Variants in CRACD observed in about 807,000 individuals in gnomAD.
CRACD encodes the protein capping protein-inhibiting regulator of actin dynamics.
A neutral mutation model predicts 106.8 loss-of-function variants in CRACD; 56 were observed. The observed-to-expected ratio is 0.52, with a 90% CI of 0.42 to 0.66. The LOEUF (loss-of-function observed/expected upper bound fraction) is 0.66, where lower values mean the gene tolerates loss of function less well. CRACD is among the 30% of genes least tolerant of loss of function. The probability of loss-of-function intolerance (pLI) is 0.00; values close to 1 mark genes in which losing one functional copy is unlikely to be tolerated. For missense variants in CRACD, 1,730 were observed against 1,623.2 expected, an observed-to-expected ratio of 1.07 and a Z score of -1.13; for synonymous variants, 754 against 670.8, an observed-to-expected ratio of 1.12 and a Z score of -1.92.
chr4:56,056,028 C>G (rs1427366578), intron 1 of CRACD, among the ~76,000 whole-genome samples: 1 of 152,168 alleles, frequency 6.6e-6, no homozygotes, highest in Non-Finnish European at 1.5e-5. Context: ...AAATATTTTT[C>G]TTTGCCATTT....
At chr4:56,096,624 C>G (rs1733607399) in intron 1 of CRACD, among the ~76,000 whole-genome samples, 1 of 148,510 alleles carries the variant, frequency 6.7e-6, no homozygotes, top group South Asian at 2.1e-4. Context: ...AGAGTGAGAC[C>G]TTGTCTTAAA....
chr4:56,235,211 A>G (rs1330857118), intron 2 of CRACD, among the ~76,000 whole-genome samples: 1 of 152,230 alleles, frequency 6.6e-6, no homozygotes, highest in Admixed American at 6.5e-5. Flanking sequence ...CAAATGCCAT[A>G]AAGCAATATA....
intron 2 of CRACD, among the ~76,000 whole-genome samples, chr4:56,190,666 C>G (rs760207749): frequency 6.6e-6 from 1 of 152,100 alleles, no homozygotes; most frequent in East Asian, 1.9e-4. Flanking sequence ...ACAGCCTCCT[C>G]CCTAGCTGCT....
At chr4:56,189,079 A>C (rs2109452401) in intron 2 of CRACD, among the ~76,000 whole-genome samples, 1 of 152,152 alleles carries the variant, frequency 6.6e-6, no homozygotes, top group South Asian at 2.1e-4. Context: ...GTTACTGAGG[A>C]GGATGAGGCA....
intron 1 of CRACD, among the ~76,000 whole-genome samples, chr4:56,110,280 C>G (rs10025083): frequency 0.47 from 71,594 of 151,988 alleles, 18,063 homozygotes; most frequent in African/African-American, 0.65. Context: ...GCAAATGTGT[C>G]TGAGGGTGGA....
intron 2 of CRACD, among the ~76,000 whole-genome samples, chr4:56,187,508 C>CT (rs1353393962): frequency 2.0e-5 from 3 of 151,948 alleles, no homozygotes; most frequent in African/African-American, 7.3e-5. Flanking sequence ...TGGATCAAGC[C>CT]TATAGACTGT....
intron 1 of CRACD, among the ~76,000 whole-genome samples, chr4:56,135,151 C>T (rs1037295575): frequency 2.6e-5 from 4 of 152,116 alleles, no homozygotes; most frequent in East Asian, 3.9e-4. Flanking sequence ...CCAGGCCTGG[C>T]GGTATGCGCC....
At chr4:56,145,919 C>T (rs921942551) in intron 1 of CRACD, among the ~76,000 whole-genome samples, 8 of 152,078 alleles carry the variant, frequency 5.3e-5, no homozygotes, top group Admixed American at 6.6e-5. Flanking sequence ...TCACTGCACC[C>T]GGCCTATTTT....
chr4:56,234,544 T>G (rs1404695809), intron 2 of CRACD, among the ~76,000 whole-genome samples: 1 of 152,208 alleles, frequency 6.6e-6, no homozygotes, highest in Non-Finnish European at 1.5e-5. Context: ...GTGAACATTG[T>G]GTGGTGATTC....
chr4:56,081,491 T>G (rs568719370), intron 1 of CRACD, among the ~76,000 whole-genome samples: 7 of 152,216 alleles, frequency 4.6e-5, no homozygotes, highest in Non-Finnish European at 7.3e-5. Flanking sequence ...ATGAGCTATA[T>G]AAGAGTTGTT....
chr4:56,112,004 T>G (rs1319981026), intron 1 of CRACD, among the ~76,000 whole-genome samples: 1 of 152,224 alleles, frequency 6.6e-6, no homozygotes, highest in Non-Finnish European at 1.5e-5. Context: ...AAACCTTTTT[T>G]CTTTGAGATA....
At chr4:56,195,365 G>T (rs1737556402) in intron 2 of CRACD, among the ~76,000 whole-genome samples, 1 of 152,034 alleles carries the variant, frequency 6.6e-6, no homozygotes, top group African/African-American at 2.4e-5. Context: ...AAAGTCAGAA[G>T]TTTAAAGTTT....
chr4:56,154,205 C>T (rs972324691), intron 1 of CRACD, among the ~76,000 whole-genome samples: 1 of 152,138 alleles, frequency 6.6e-6, no homozygotes, highest in Non-Finnish European at 1.5e-5. Flanking sequence ...GTGGCGCATG[C>T]CTGTAATCTC....
At chr4:56,260,430 G>C (rs1235488869) in intron 2 of CRACD, among the ~76,000 whole-genome samples, 1 of 152,206 alleles carries the variant, frequency 6.6e-6, no homozygotes, top group African/African-American at 2.4e-5. Flanking sequence ...AAAACTTGGA[G>C]ATTAAGTATC....
In CRACD at chr4:56,179,287, A is replaced by T. The variant is rs1403652453; in HGVS notation, c.-332A>T. On this transcript the variant is annotated 5_prime_UTR_variant, in exon 2 of 11. Coordinates refer to ENST00000682029, the MANE Select transcript of CRACD (RefSeq NM_001393381.1). Reference sequence around the variant, plus strand: ...TGTTTTTTTTTTTTCTCAACAGCTTACAAGAGCAGTGATTCCCAGGCTTTC... The same window carrying T: ...TGTTTTTTTTTTTTCTCAACAGCTTTCAAGAGCAGTGATTCCCAGGCTTTC... 1 of 151,968 alleles carries T rather than the reference A, an allele frequency of 6.6e-6. No homozygotes were observed. Among genetic ancestry groups the T allele is most frequent in the Non-Finnish European group, 1.5e-5 (1 of 68,000 alleles). The allele number at this position is 151,968 out of a possible 1,614,324, so 9.4% of individuals were successfully genotyped here. A position where few individuals can be genotyped will look rare whatever the true frequency, so the allele number is the denominator to read the frequency against.
intron 8 of CRACD, among the ~76,000 whole-genome samples, chr4:56,318,555 C>T (rs1400924824): frequency 1.3e-5 from 2 of 152,200 alleles, no homozygotes; most frequent in African/African-American, 4.8e-5. Context: ...GGGCTGTCCC[C>T]TTGATTATTA....
At chr4:56,137,110 A>C (rs1310959132) in intron 1 of CRACD, among the ~76,000 whole-genome samples, 2 of 152,076 alleles carry the variant, frequency 1.3e-5, no homozygotes, top group Admixed American at 1.3e-4. Flanking sequence ...TGTTACAATG[A>C]CTATGATGTC....
intron 1 of CRACD, among the ~76,000 whole-genome samples, chr4:56,137,981 G>A (rs929247060): frequency 1.3e-5 from 2 of 152,142 alleles, no homozygotes; most frequent in East Asian, 3.8e-4. Flanking sequence ...GATAGCTTTT[G>A]CATTAATACA....
rs569934799 is a variant in CRACD at position 56,082,952 on chromosome 4, G to A, written c.-336+33653G>A. On this transcript the variant is annotated intron_variant, in intron 1 of 10. Coordinates refer to ENST00000682029, the MANE Select transcript of CRACD (RefSeq NM_001393381.1). ...TAGAAAATAGAAACAGGATAAATAA[G>A]TCAGAGAAAGATACACAGATAAAGA... 2.6e-5 allele frequency among the ~76,000 whole-genome samples: 4 copies of A among 152,136 alleles called. No individual in the cohort carries two copies. The East Asian group carries it at 7.7e-4, about 29-fold the overall frequency.
Sources: gnomAD v4.1 joint callset for allele counts (sites outside exome capture counted in the v4.1 genomes callset) on GRCh38, gnomAD v4.1.1 for gene constraint, MANE v1.5 for transcripts, NCBI Gene and HGNC (gene_info 2026-07-23, HGNC 2026-07-21) for gene names.